Variants in SLC25A48 observed in about 807,000 individuals in gnomAD.
The protein encoded by SLC25A48 is CTC-321K16.1.
Under a neutral mutation model 32.2 loss-of-function variants are expected in SLC25A48, and 29 were observed. The observed-to-expected ratio is 0.90, with a 90% CI of 0.67 to 1.23. The LOEUF (loss-of-function observed/expected upper bound fraction) is 1.23. SLC25A48 is among the 50% of genes most tolerant of loss of function. The pLI, the probability that SLC25A48 is intolerant of heterozygous loss-of-function variation, is 0.00. For synonymous variants in SLC25A48, 164 were observed against 172.3 expected (o/e 0.95, Z 0.38); for missense variants, 399 against 422.7 (o/e 0.94, Z 0.49).
intron 1 of SLC25A48, among the ~76,000 whole-genome samples, chr5:135,595,819 A>G (rs1036125572): frequency 6.6e-6 from 1 of 152,214 alleles, no homozygotes. Flanking sequence ...CATGCTCCAT[A>G]CCTGTTAACT....
intron 7 of SLC25A48, among the ~76,000 whole-genome samples, chr5:135,881,330 C>T (rs762094815): frequency 1.6e-4 from 25 of 152,298 alleles, no homozygotes; most frequent in African/African-American, 4.8e-4. Flanking sequence ...GGGGCATTCT[C>T]GGGACGGCAG....
chr5:135,874,529 C>T, intron 6 of SLC25A48: 2 of 565,500 alleles, frequency 3.5e-6, no homozygotes, highest in South Asian at 2.2e-5. Context: ...ACTCCTCCTC[C>T]CAGTGGGAAG....
chr5:135,690,658 G>A (rs997976290), intron 3 of SLC25A48, among the ~76,000 whole-genome samples: 3 of 152,098 alleles, frequency 2.0e-5, no homozygotes, highest in African/African-American at 7.3e-5. Flanking sequence ...TCATTAACAG[G>A]CCACCCGCCC....
At chr5:135,824,843 G>C (rs570844416) in intron 4 of SLC25A48, 4 of 152,414 alleles carry the variant, frequency 2.6e-5, no homozygotes, top group East Asian at 3.9e-4. Flanking sequence ...ATAGAGGGTG[G>C]GGGGAGCAGC....
At chr5:135,770,502 T>G (rs921511809) in intron 3 of SLC25A48, among the ~76,000 whole-genome samples, 1 of 151,548 alleles carries the variant, frequency 6.6e-6, no homozygotes, top group Non-Finnish European at 1.5e-5. Flanking sequence ...TCGCCGAGGT[T>G]GCACAAACCA....
chr5:135,850,157 G>A (rs112584827), intron 2 of SLC25A48, among the ~76,000 whole-genome samples: 39 of 152,302 alleles, frequency 2.6e-4, no homozygotes, highest in Middle Eastern at 3.4e-3. Context: ...TACTCAAGAG[G>A]TGGGGATCAT....
chr5:135,835,000 G>A, intron 1 of SLC25A48, 107 bp downstream of exon 1: 1 of 1,357,232 alleles, frequency 7.4e-7, no homozygotes, highest in Non-Finnish European at 1.0e-6. Context: ...CCCGCTCCCC[G>A]TTGTGCGCGC....
intron 4 of SLC25A48, among the ~76,000 whole-genome samples, chr5:135,814,773 G>A (rs1209267538): frequency 6.6e-6 from 1 of 152,252 alleles, no homozygotes; most frequent in Non-Finnish European, 1.5e-5. Flanking sequence ...AGTTCCTGGT[G>A]CTGATTCCCA....
intron 3 of SLC25A48, among the ~76,000 whole-genome samples, chr5:135,644,944 G>C (rs1354129373): frequency 1.3e-5 from 2 of 151,908 alleles, no homozygotes; most frequent in African/African-American, 4.9e-5. Flanking sequence ...TCTCTGAAGA[G>C]AGAACTCCAG....
At chr5:135,783,964 G>A (rs986431540) in intron 3 of SLC25A48, among the ~76,000 whole-genome samples, 2 of 117,742 alleles carry the variant, frequency 1.7e-5, no homozygotes, top group African/African-American at 5.2e-5. Context: ...ATAATCAGGG[G>A]GGAAAAGGAT....
At chr5:135,741,075 C>T (rs35670891) in intron 3 of SLC25A48, among the ~76,000 whole-genome samples, 35,769 of 152,164 alleles carry the variant, frequency 0.24, 4,775 homozygotes, top group East Asian at 0.45. Flanking sequence ...ATGCTAAGTG[C>T]TTTACATGTG....
At chr5:135,639,527 G>A (rs866313151) in intron 3 of SLC25A48, among the ~76,000 whole-genome samples, 10 of 152,250 alleles carry the variant, frequency 6.6e-5, no homozygotes, top group South Asian at 4.2e-4. Context: ...GTGTATAGGC[G>A]GGGAGAGTGG....
intron 3 of SLC25A48, among the ~76,000 whole-genome samples, chr5:135,716,321 G>A (rs907236331): frequency 2.0e-5 from 3 of 152,168 alleles, no homozygotes; most frequent in African/African-American, 7.2e-5. Flanking sequence ...GCTCCACTGT[G>A]CACATGGCTG....
In SLC25A48 at chr5:135,883,693, G is replaced by A. The variant is rs544323653; in HGVS notation, c.*7+3596G>A. Among the ~76,000 whole-genome samples the A allele has an allele frequency of 5.9e-5, 9 of 152,282 alleles. No individual in the cohort carries two copies. In the South Asian group the frequency reaches 1.9e-3, roughly 32 times the overall value. On this transcript the variant is annotated intron_variant, in intron 7 of 7. Transcript: ENST00000681962. ...GATGAGGGACAGAAACCTTCTAGGG[G>A]TTCTCCCACCCTGAGCAGTGGCACA...
At position 135,852,417 on chromosome 5, in the gene SLC25A48, C is replaced by A. The variant is rs539269407; in HGVS notation, c.163-146C>A. 16 of 994,278 alleles carry A rather than the reference C, an allele frequency of 1.6e-5. No individual in the cohort carries two copies. The Admixed American group carries it at 4.0e-4, about 25-fold the overall frequency. The allele number at this position is 994,278 out of a possible 1,614,324, so 61.6% of individuals were successfully genotyped here. A position where few individuals can be genotyped will look rare whatever the true frequency, so the allele number is the denominator to read the frequency against. On this transcript the variant is annotated intron_variant, in intron 3 of 7. Coordinates refer to ENST00000681962, the MANE Select transcript of SLC25A48 (RefSeq NM_001349336.2). The stretch of plus-strand genomic sequence containing the variant: ...GCCTGCCCCTGAGTGGTTCCCCACC[C>A]CCTACCTCCTGTCGCATCAGCACCC...
rs147005349 is a variant in SLC25A48 at position 135,886,588 on chromosome 5, A to AATAT, written c.*8-1398_*8-1395dup. Among the ~76,000 whole-genome samples the AATAT allele has an allele frequency of 9.6e-3, 336 of 35,128 alleles. 5 individuals are homozygous for AATAT. The highest frequency in any genetic ancestry group is 0.012 in the African/African-American group (69 of 5,614). 23.0% of individuals were successfully genotyped at this position (35,128 alleles called of 152,430 possible). On this transcript the variant is annotated intron_variant, in intron 7 of 7. Transcript: ENST00000681962. ...AACACATTATGGTTCTATTTAACCAAATATATATATATATATATATATATA... is the reference window on the plus strand; with the variant it reads ...AACACATTATGGTTCTATTTAACCAAATATATATATATATATATATATATATATA...
intron 7 of SLC25A48, among the ~76,000 whole-genome samples, chr5:135,886,650 G>A (rs55876610): frequency 0.24 from 3,415 of 14,148 alleles, 573 homozygotes; most frequent in East Asian, 0.45. Flanking sequence ...ATATATATAT[G>A]TGTGTGTGTG....
At position 135,613,604 on chromosome 5, in the gene SLC25A48, A is replaced by C. The variant is rs146570378; in HGVS notation, c.-848-15633A>C. Reference sequence around the variant, plus strand: ...CTTAATCTTGAGTTGATTTTTGTACATGGTGAGAGAGGGGTCCACTTTCAT... The same window carrying C: ...CTTAATCTTGAGTTGATTTTTGTACCTGGTGAGAGAGGGGTCCACTTTCAT... On this transcript the variant is annotated intron_variant, in intron 1 of 10. Transcript: ENST00000646290. Among the ~76,000 whole-genome samples the C allele has an allele frequency of 1.5e-3, 224 of 152,252 alleles. 2 individuals carry two copies. Among genetic ancestry groups the C allele is most frequent in the African/African-American group, 5.2e-3 (216 of 41,550 alleles).
chr5:135,883,114 G>A (rs1355728567), intron 7 of SLC25A48: 4 of 985,342 alleles, frequency 4.1e-6, no homozygotes, highest in Non-Finnish European at 4.8e-6. Flanking sequence ...AACCCATGAT[G>A]TGAATTTACT....
Sources: gnomAD v4.1 joint callset for allele counts (sites outside exome capture counted in the v4.1 genomes callset) on GRCh38, gnomAD v4.1.1 for gene constraint, MANE v1.5 for transcripts, NCBI Gene and HGNC (gene_info 2026-07-23, HGNC 2026-07-21) for gene names.